The following PRDM16 variants were observed in gnomAD, a reference collection of about 807,000 sequenced individuals.
The protein encoded by PRDM16 is PR/SET domain 16.
A neutral mutation model predicts 110.6 loss-of-function variants in PRDM16; 23 were observed. The ratio of observed to expected loss-of-function variants is 0.21; its 90% confidence interval spans 0.15 to 0.29. PRDM16 has a LOEUF of 0.29. PRDM16 is among the 10% of genes least tolerant of loss of function. The probability of loss-of-function intolerance (pLI) is 1.00; values close to 1 mark genes in which losing one functional copy is unlikely to be tolerated. For missense variants in PRDM16, 1,615 were observed against 1,794.3 expected (o/e 0.90, Z 1.81); for synonymous variants, 799 against 781.8 (o/e 1.02, Z -0.37).
intron 1 of PRDM16, among the ~76,000 whole-genome samples, chr1:3,165,714 G>GGAAC (rs1643946949): frequency 1.4e-5 from 1 of 71,272 alleles, no homozygotes; most frequent in African/African-American, 9.7e-5. Flanking sequence ...CCTGGGCTCA[G>GGAAC]GGACAGTGAC....
intron 1 of PRDM16, among the ~76,000 whole-genome samples, chr1:3,167,319 C>T (rs989701624): frequency 2.6e-4 from 40 of 152,284 alleles, no homozygotes; most frequent in Non-Finnish European, 5.3e-4. Context: ...TCCGGAAATC[C>T]GTCATCCGCA....
At chr1:3,182,677 G>T (rs949165560) in intron 1 of PRDM16, among the ~76,000 whole-genome samples, 1 of 152,170 alleles carries the variant, frequency 6.6e-6, no homozygotes, top group Non-Finnish European at 1.5e-5. Flanking sequence ...CTCGGTCTCT[G>T]TCCCAGCCCG....
chr1:3,210,877 A>G (rs1172054963), intron 2 of PRDM16, among the ~76,000 whole-genome samples: 1 of 152,160 alleles, frequency 6.6e-6, no homozygotes, highest in Non-Finnish European at 1.5e-5. Flanking sequence ...TCATATATCT[A>G]TTAGGTATTT....
intron 1 of PRDM16, among the ~76,000 whole-genome samples, chr1:3,101,512 C>T (rs951572749): frequency 6.6e-6 from 1 of 152,188 alleles, no homozygotes; most frequent in Non-Finnish European, 1.5e-5. Context: ...CGGCGGCCAT[C>T]GGGGAAGGGG....
chr1:3,380,279 AG>A (rs1200249387), intron 3 of PRDM16, among the ~76,000 whole-genome samples: 3 of 151,782 alleles, frequency 2.0e-5, no homozygotes, highest in Admixed American at 6.6e-5. Context: ...CCTCTGTGGA[AG>A]GAAGGAGTTA....
chr1:3,434,920 G>A lies in PRDM16; in HGVS notation c.*1109G>A, dbSNP rs891464744. ...CCGGTGTCCTCCACGTGGCTGCCCT[G>A]GGGAGCAATCCCAGCGGATCGCTCC... On this transcript the variant is annotated 3_prime_UTR_variant, in exon 17 of 17. Coordinates refer to ENST00000270722, the MANE Select transcript of PRDM16 (RefSeq NM_022114.4). The A allele has an allele frequency of 4.3e-6, 1 of 231,320 alleles. No homozygotes were observed. The highest frequency in any genetic ancestry group is 2.2e-5 in the African/African-American group (1 of 45,236). 14.3% of individuals were successfully genotyped at this position (231,320 alleles called of 1,614,324 possible).
In PRDM16 at chr1:3,175,812, T is replaced by G. The variant is rs144671552; in HGVS notation, c.38-10313T>G. Among the ~76,000 whole-genome samples, 32 of 152,120 alleles carry G rather than the reference T, an allele frequency of 2.1e-4. No homozygotes were observed. Among genetic ancestry groups the G allele is most frequent in the Non-Finnish European group, 3.7e-4 (25 of 68,030 alleles). ...CAGACGTTCCTCTCAGATGAGCCGA[T>G]CAGGGTCAAGGGCAGAGAGGAGCCA... On this transcript the variant is annotated intron_variant, in intron 1 of 16. Coordinates refer to ENST00000270722, the MANE Select transcript of PRDM16 (RefSeq NM_022114.4). The surrounding 1 kb of genome is among the most constrained non-coding windows in gnomAD (Gnocchi z 4.8).
At chr1:3,086,322 C>A (rs553164709) in intron 1 of PRDM16, among the ~76,000 whole-genome samples, 83 of 152,302 alleles carry the variant, frequency 5.4e-4, no homozygotes, top group Non-Finnish European at 9.6e-4. Flanking sequence ...GTCCTCTCGG[C>A]CTGCAGTTTC....
intron 1 of PRDM16, among the ~76,000 whole-genome samples, chr1:3,161,661 G>A (rs1468223076): frequency 6.6e-6 from 1 of 152,210 alleles, no homozygotes; most frequent in Non-Finnish European, 1.5e-5. Flanking sequence ...CGGAGAGGCC[G>A]GTCAGCAGAG....
intron 1 of PRDM16, among the ~76,000 whole-genome samples, chr1:3,085,780 G>A (rs534305953): frequency 1.5e-4 from 23 of 152,318 alleles, no homozygotes; most frequent in African/African-American, 4.8e-4. Context: ...GCCACAGGTC[G>A]GGTGGGCAGC....
intron 2 of PRDM16, among the ~76,000 whole-genome samples, chr1:3,194,824 C>T (rs1557520396): frequency 6.6e-6 from 1 of 152,168 alleles, no homozygotes; most frequent in Non-Finnish European, 1.5e-5. Flanking sequence ...CCTGCCCTTT[C>T]TCTCCAAGGT....
intron 2 of PRDM16, among the ~76,000 whole-genome samples, chr1:3,220,310 G>A (rs1382302951): frequency 3.9e-5 from 6 of 152,134 alleles, no homozygotes; most frequent in Admixed American, 6.5e-5. Flanking sequence ...CATAGCAGCC[G>A]GCCAGGGCAG....
intron 3 of PRDM16, among the ~76,000 whole-genome samples, chr1:3,304,099 C>T (rs1471736278): frequency 7.2e-6 from 1 of 138,846 alleles, no homozygotes; most frequent in Non-Finnish European, 1.5e-5. Flanking sequence ...GGGACAGTGA[C>T]ACAGGACCCC....
chr1:3,224,426 C>T (rs4648458), intron 2 of PRDM16, among the ~76,000 whole-genome samples: 22,844 of 151,982 alleles, frequency 0.15, 2,245 homozygotes, highest in African/African-American at 0.26. Context: ...CGCTGGGGTA[C>T]CAGCTTCCAA....
At chr1:3,141,525 T>C (rs973017052) in intron 1 of PRDM16, among the ~76,000 whole-genome samples, 2 of 152,232 alleles carry the variant, frequency 1.3e-5, no homozygotes, top group Non-Finnish European at 2.9e-5. Flanking sequence ...GATCTAATTG[T>C]ACAATACGTT....
rs994326965 is a variant in PRDM16, at chr1:3,434,747, G to A, written c.*936G>A. 1.9e-4 allele frequency: 43 copies of A among 232,372 alleles called. No individual in the cohort carries two copies. Among genetic ancestry groups the A allele is most frequent in the African/African-American group, 8.1e-4 (37 of 45,404 alleles). The allele number at this position is 232,372 out of a possible 1,614,324, so 14.4% of individuals were successfully genotyped here. A position where few individuals can be genotyped will look rare whatever the true frequency, so the allele number is the denominator to read the frequency against. On this transcript the variant is annotated 3_prime_UTR_variant, in exon 17 of 17. Coordinates refer to ENST00000270722, the MANE Select transcript of PRDM16 (RefSeq NM_022114.4). The stretch of plus-strand genomic sequence containing the variant: ...AGTCGAGGGCCTGTGGCTTGGATCC[G>A]CCATGCAGAGATGTGGCCGGGCACC...
At chr1:3,286,466 G>A (rs748964344) in intron 3 of PRDM16, among the ~76,000 whole-genome samples, 43 of 152,186 alleles carry the variant, frequency 2.8e-4, no homozygotes, top group African/African-American at 4.8e-4. Flanking sequence ...CTCTGCAGAC[G>A]GCAACATGGC....
chr1:3,411,291 C>T lies in PRDM16; in HGVS notation c.1187-93C>T, dbSNP rs1383641527. On this transcript the variant is annotated intron_variant, in intron 8 of 16. Transcript: ENST00000270722. ...TCCAGCCCCAGCCTCGCCCCTCCAG[C>T]GGCTGGCTTTCCCAGTAATTTCATG... 40 of 1,372,410 alleles carry T rather than the reference C, an allele frequency of 2.9e-5. 2 individuals are homozygous for T. Among genetic ancestry groups the T allele is most frequent in the South Asian group, 2.6e-4 (19 of 72,636 alleles). The allele number at this position is 1,372,410 out of a possible 1,614,324, so 85.0% of individuals were successfully genotyped here.
chr1:3,380,718 C>T (rs1643087886), intron 3 of PRDM16, among the ~76,000 whole-genome samples: 1 of 152,162 alleles, frequency 6.6e-6, no homozygotes. Context: ...AGGCCGCACG[C>T]AAATACCTGC....
Sources: allele counts gnomAD v4.1 joint callset (sites outside exome capture counted in the v4.1 genomes callset), GRCh38; gene constraint gnomAD v4.1.1; non-coding constraint Gnocchi (gnomAD v3.1); transcripts MANE v1.5; gene names NCBI Gene and HGNC (gene_info 2026-07-23, HGNC 2026-07-21).